Variants in CLMN observed in about 807,000 individuals in gnomAD.
CLMN encodes calmin (calponin-like, transmembrane).
In CLMN, 57 loss-of-function variants were observed where a neutral mutation model predicts 92.7. That is an observed-to-expected ratio of 0.61 (90% CI 0.50 to 0.77). The LOEUF is 0.77. Ranked by LOEUF, CLMN falls within the 30% of genes least tolerant of loss-of-function variation. The pLI, the probability that CLMN is intolerant of heterozygous loss-of-function variation, is 0.00. For missense variants in CLMN, 1,158 were observed against 1,237.5 expected (o/e 0.94, Z 0.96); for synonymous variants, 466 against 470.6 (o/e 0.99, Z 0.13).
chr14:95,288,374 G>A (rs1265396244), intron 1 of CLMN, among the ~76,000 whole-genome samples: 2 of 152,188 alleles, frequency 1.3e-5, no homozygotes, highest in East Asian at 3.8e-4. Flanking sequence ...AAAGAGGAGT[G>A]AGCCAGTGAG....
intron 1 of CLMN, among the ~76,000 whole-genome samples, chr14:95,231,217 T>TTAG (rs1897877107): frequency 6.9e-6 from 1 of 145,940 alleles, no homozygotes; most frequent in African/African-American, 2.6e-5. Flanking sequence ...TTTTTTTTGA[T>TTAG]ACAGAGTCTA....
At chr14:95,285,620 T>C (rs1267023118) in intron 1 of CLMN, among the ~76,000 whole-genome samples, 2 of 152,134 alleles carry the variant, frequency 1.3e-5, no homozygotes, top group African/African-American at 2.4e-5. Flanking sequence ...CAGAGTCCCA[T>C]AAAGGAAAAG....
intron 1 of CLMN, among the ~76,000 whole-genome samples, chr14:95,238,006 T>C (rs1226029809): frequency 6.6e-6 from 1 of 152,148 alleles, no homozygotes; most frequent in Non-Finnish European, 1.5e-5. Context: ...ACATCTTTCC[T>C]CTCTTGAGCC....
chr14:95,250,128 GA>G (rs1898725121), intron 1 of CLMN, among the ~76,000 whole-genome samples: 1 of 152,226 alleles, frequency 6.6e-6, no homozygotes, highest in African/African-American at 2.4e-5. Context: ...GCTGGTTCCT[GA>G]ATGGCCCTAC....
rs1002180183 is a variant in CLMN at position 95,215,964 on chromosome 14, T to C, written c.325-231A>G. Among the ~76,000 whole-genome samples, 4 of 152,186 alleles carry C rather than the reference T, an allele frequency of 2.6e-5. No individual in the cohort carries two copies. In the South Asian group the frequency reaches 8.3e-4, roughly 31 times the overall value. ...TACACAGCACTTACCATATGCAGCCTCTATTCTAAACTTCTTACAAATATT... is the reference window on the plus strand; with the variant it reads ...TACACAGCACTTACCATATGCAGCCCCTATTCTAAACTTCTTACAAATATT... On this transcript the variant is annotated intron_variant, in intron 4 of 12. Coordinates refer to ENST00000298912, the MANE Select transcript of CLMN (RefSeq NM_024734.4).
intron 1 of CLMN, among the ~76,000 whole-genome samples, chr14:95,255,779 AACC>A (rs1178277521): frequency 6.6e-6 from 1 of 151,874 alleles, no homozygotes; most frequent in African/African-American, 2.4e-5. Context: ...CGCATTTCTT[AACC>A]ACTCAACAGT....
chr14:95,298,118 T>A (rs2140772958), intron 1 of CLMN, among the ~76,000 whole-genome samples: 1 of 152,028 alleles, frequency 6.6e-6, no homozygotes, highest in South Asian at 2.1e-4. Flanking sequence ...CTCTCCCAGC[T>A]CCCATGGCGT....
At position 95,190,739 on chromosome 14, in the gene CLMN, A is replaced by G. The variant is rs1167339907; in HGVS notation, c.*825T>C. The G allele has an allele frequency of 6.6e-6, 1 of 152,242 alleles. No individual in the cohort carries two copies. Among genetic ancestry groups the G allele is most frequent in the Non-Finnish European group, 1.5e-5 (1 of 68,062 alleles). The allele number at this position is 152,242 out of a possible 1,614,324, so 9.4% of individuals were successfully genotyped here. A position where few individuals can be genotyped will look rare whatever the true frequency, so the allele number is the denominator to read the frequency against. ...TGGGCAGGAAGCTACCCCACCACCC[A>G]GCTCCAGCACTGCTGGGAGCTGATT... On this transcript the variant is annotated 3_prime_UTR_variant, in exon 13 of 13. Coordinates refer to ENST00000298912, the MANE Select transcript of CLMN (RefSeq NM_024734.4).
chr14:95,223,406 G>C (rs734648), intron 3 of CLMN, among the ~76,000 whole-genome samples: 2 of 152,194 alleles, frequency 1.3e-5, no homozygotes, highest in Non-Finnish European at 2.9e-5. Flanking sequence ...CTTAGCCTTA[G>C]GGTGGTTGAT....
intron 1 of CLMN, among the ~76,000 whole-genome samples, chr14:95,269,340 CT>C (rs971115376): frequency 6.6e-6 from 1 of 151,612 alleles, no homozygotes; most frequent in African/African-American, 2.4e-5. Flanking sequence ...TGTAAAATAT[CT>C]TTATGTATTT....
chr14:95,233,699 T>C (rs1051133370), intron 1 of CLMN, among the ~76,000 whole-genome samples: 28 of 152,206 alleles, frequency 1.8e-4, no homozygotes, highest in Admixed American at 5.2e-4. Context: ...AAAGGTGACT[T>C]CAGACCCCGT....
At chr14:95,286,123 G>A (rs1024436570) in intron 1 of CLMN, among the ~76,000 whole-genome samples, 39 of 152,172 alleles carry the variant, frequency 2.6e-4, no homozygotes, top group Non-Finnish European at 3.5e-4. Flanking sequence ...TATTTCAGGT[G>A]TGATCATGGT....
intron 1 of CLMN, among the ~76,000 whole-genome samples, chr14:95,308,623 G>C (rs1901387058): frequency 6.6e-6 from 1 of 152,056 alleles, no homozygotes; most frequent in Admixed American, 6.5e-5. Context: ...CCTGCACTGT[G>C]GTCACCTCTC....
intron 1 of CLMN, among the ~76,000 whole-genome samples, chr14:95,267,175 T>C (rs1260985389): frequency 6.6e-6 from 1 of 152,054 alleles, no homozygotes; most frequent in Non-Finnish European, 1.5e-5. Context: ...AATAGACAAT[T>C]GGGATCACAT....
rs558069870 is a variant in CLMN at position 95,257,956 on chromosome 14, G to A, written c.83-27823C>T. Among the ~76,000 whole-genome samples, 123 of 152,308 alleles carry A rather than the reference G, an allele frequency of 8.1e-4. 1 individual carries two copies. The South Asian group carries it at 0.014, about 18-fold the overall frequency. Reference sequence around the variant, plus strand: ...TGGACAGACTGTAGAGAGGGGCAGAGGCAAAAGTACAAGAGTCAGCTATGG... The same window carrying A: ...TGGACAGACTGTAGAGAGGGGCAGAAGCAAAAGTACAAGAGTCAGCTATGG... On this transcript the variant is annotated intron_variant, in intron 1 of 12. Coordinates refer to ENST00000298912, the MANE Select transcript of CLMN (RefSeq NM_024734.4).
chr14:95,246,473 CA>C (rs1293689638), intron 1 of CLMN, among the ~76,000 whole-genome samples: 2 of 152,280 alleles, frequency 1.3e-5, no homozygotes, highest in South Asian at 2.1e-4. Context: ...CTGTGAGTAA[CA>C]AACTATTTTT....
intron 10 of CLMN, among the ~76,000 whole-genome samples, chr14:95,196,156 C>T (rs1896705316): frequency 6.6e-6 from 1 of 152,170 alleles, no homozygotes; most frequent in African/African-American, 2.4e-5. Flanking sequence ...TGTCTGGGGG[C>T]CAGAAGGCAG....
chr14:95,256,908 A>C lies in CLMN; in HGVS notation c.83-26775T>G, dbSNP rs1479421668. ...GGTGTTAGCAGATAGGGAAAAGGAG[A>C]GGGCATTCTCCATGTTGGGAACAGC... On this transcript the variant is annotated intron_variant, in intron 1 of 12. Transcript: ENST00000298912. The surrounding 1 kb of genome is among the most constrained non-coding windows in gnomAD (Gnocchi z 4.9). Among the ~76,000 whole-genome samples, 1 of 152,118 alleles carries C rather than the reference A, an allele frequency of 6.6e-6. No homozygotes were observed. Among genetic ancestry groups the C allele is most frequent in the Non-Finnish European group, 1.5e-5 (1 of 68,030 alleles).
intron 1 of CLMN, among the ~76,000 whole-genome samples, chr14:95,279,679 A>T (rs903555547): frequency 6.6e-6 from 1 of 152,222 alleles, no homozygotes; most frequent in Non-Finnish European, 1.5e-5. Context: ...GCTCCTCGGG[A>T]GGATGAGGCA....
Sources: gnomAD v4.1 joint callset for allele counts (sites outside exome capture counted in the v4.1 genomes callset) on GRCh38, gnomAD v4.1.1 for gene constraint, Gnocchi (gnomAD v3.1) non-coding constraint, MANE v1.5 for transcripts, NCBI Gene and HGNC (gene_info 2026-07-23, HGNC 2026-07-21) for gene names.